SGSM2: variants seen among roughly 807,000 people sequenced by gnomAD.
SGSM2 encodes RUN and TBC1 domain containing 1.
Under a neutral mutation model 126.6 loss-of-function variants are expected in SGSM2, and 89 were observed. The ratio of observed to expected loss-of-function variants is 0.70; its 90% CI spans 0.59 to 0.84. SGSM2 has a LOEUF of 0.84. Ranked by LOEUF, SGSM2 falls within the 40% of genes least tolerant of loss-of-function variation. SGSM2 has a pLI of 0.00. For synonymous variants in SGSM2, 614 were observed against 574.3 expected (o/e 1.07, Z -0.99); for missense variants, 1,404 against 1,416.6 (o/e 0.99, Z 0.14).
Position 2,343,586 on chromosome 17 carries a change from G to A in SGSM2, c.99G>A (p.Val33=), listed in dbSNP as rs1268473765. 6.2e-7 allele frequency: 1 copy of A among 1,614,218 alleles called. No homozygotes were observed. The highest frequency in any genetic ancestry group is 8.5e-7 in the Non-Finnish European group (1 of 1,180,026). The change falls in exon 2 of 24, where the codon GTG becomes GTA. Residue 33 remains valine, a synonymous_variant. Transcript: ENST00000268989. ...AGGAGGCTGTCACCAGGAAGTTTGT[G>A]CATGAAGACAGCAGCCACATCATTG... ...IMEEAVTRKF[V]HEDSSHIIAL...
Position 2,367,098 on chromosome 17 carries a change from A to G in SGSM2, c.1289-173A>G. On this transcript the variant is annotated intron_variant, in intron 11 of 23. Coordinates refer to ENST00000268989, the MANE Select transcript of SGSM2 (RefSeq NM_014853.3). This position sits in a 1 kb window ranked among gnomAD's most constrained non-coding sequence, Gnocchi z 4.0. ...GCCCCAGCCCCTCGCCTCCTTCCAC[A>G]CTCTCCCAGGAAAATCATCCAAAGA... The G allele has an allele frequency of 1.4e-6, 1 of 723,508 alleles. No homozygotes were observed. The highest frequency in any genetic ancestry group is 2.2e-6 in the Non-Finnish European group (1 of 457,678). 44.8% of individuals were successfully genotyped at this position (723,508 alleles called of 1,614,324 possible).
Position 2,367,420 on chromosome 17 carries a change from C to G in SGSM2, c.1423+15C>G. On this transcript the variant is annotated intron_variant, in intron 12 of 23. Coordinates refer to ENST00000268989, the MANE Select transcript of SGSM2 (RefSeq NM_014853.3). The surrounding 1 kb of genome is among the most constrained non-coding windows in gnomAD (Gnocchi z 4.0). ...TCCGATGAAAGGTTCTTATCCCTCC[C>G]TCTCCCTGACCCACCTCATCCCCAC... 2 of 1,609,286 alleles carry G rather than the reference C, an allele frequency of 1.2e-6. No individual in the cohort carries two copies. Among genetic ancestry groups the G allele is most frequent in the Non-Finnish European group, 1.7e-6 (2 of 1,177,250 alleles).
At chr17:2,359,233 A>G (rs1196228285) in intron 2 of SGSM2, among the ~76,000 whole-genome samples, 1 of 151,888 alleles carries the variant, frequency 6.6e-6, no homozygotes, top group Non-Finnish European at 1.5e-5. Context: ...TCTCGGGGCC[A>G]TAGTTCTCAA....
In SGSM2 at chr17:2,363,704, G is replaced by T. The variant is rs189009102; in HGVS notation, c.807+105G>T. 6.2e-6 allele frequency: 9 copies of T among 1,458,690 alleles called. No homozygotes were observed. The East Asian group carries it at 7.1e-5, about 12-fold the overall frequency. The allele number at this position is 1,458,690 out of a possible 1,614,324, so 90.4% of individuals were successfully genotyped here. A position where few individuals can be genotyped will look rare whatever the true frequency, so the allele number is the denominator to read the frequency against. On this transcript the variant is annotated intron_variant, in intron 7 of 23. Coordinates refer to ENST00000268989, the MANE Select transcript of SGSM2 (RefSeq NM_014853.3). This position sits in a 1 kb window ranked among gnomAD's most constrained non-coding sequence, Gnocchi z 4.2. Reference sequence around the variant, plus strand: ...TTTCCTGAGGAGCTTGACCAGAGACGGGGGGGAGAATGGCCCCAGCCTCCC... The same window carrying T: ...TTTCCTGAGGAGCTTGACCAGAGACTGGGGGGAGAATGGCCCCAGCCTCCC...
In SGSM2 at chr17:2,379,037, A is replaced by G; in HGVS notation, c.2901A>G (p.Glu967=). 6.2e-7 allele frequency: 1 copy of G among 1,613,748 alleles called. No homozygotes were observed. The highest frequency in any genetic ancestry group is 8.5e-7 in the Non-Finnish European group (1 of 1,179,728). The stretch of plus-strand genomic sequence containing the variant: ...GCAGCAGCCGCTTACTCTCCGCAGA[A>G]CTGCTGTATGAGGATGTGTTTGCTG... The part of the protein sequence containing the change: ...YRWFLLDFKR[E]LLYEDVFAVW... The change falls in exon 23 of 24, where the codon GAA becomes GAG. Residue 967 remains glutamate (E), a splice_region_variant and synonymous_variant. Coordinates refer to ENST00000268989, the MANE Select transcript of SGSM2 (RefSeq NM_014853.3).
At position 2,367,875 on chromosome 17, in the gene SGSM2, G is replaced by A. The variant is rs190177655; in HGVS notation, c.1423+470G>A. 1.9e-3 allele frequency among the ~76,000 whole-genome samples: 284 copies of A among 152,296 alleles called. 1 individual carries two copies. Among genetic ancestry groups the A allele is most frequent in the Admixed American group, 4.8e-3 (73 of 15,302 alleles). Reference sequence around the variant, plus strand: ...CAGGGGCAGCAGCTGTGGGTCAGGCGAGGGGTTGAGGGCTGCCATGCGAAG... The same window carrying A: ...CAGGGGCAGCAGCTGTGGGTCAGGCAAGGGGTTGAGGGCTGCCATGCGAAG... On this transcript the variant is annotated intron_variant, in intron 12 of 23. Transcript: ENST00000268989. This position sits in a 1 kb window ranked among gnomAD's most constrained non-coding sequence, Gnocchi z 4.0.
intron 2 of SGSM2, among the ~76,000 whole-genome samples, chr17:2,350,831 C>T (rs2064814520): frequency 6.6e-6 from 1 of 152,196 alleles, no homozygotes; most frequent in Non-Finnish European, 1.5e-5. Flanking sequence ...AAGCCTTTCA[C>T]ACCTTGGGAT....
chr17:2,350,483 G>A (rs575746194), intron 2 of SGSM2, among the ~76,000 whole-genome samples: 36 of 151,864 alleles, frequency 2.4e-4, no homozygotes, highest in South Asian at 1.9e-3. Flanking sequence ...GGTGGCGCAC[G>A]TCTATAATTC....
At chr17:2,373,165 C>T (rs976274564) in intron 16 of SGSM2, 84 bp downstream of exon 16, 26 of 1,571,826 alleles carry the variant, frequency 1.7e-5, no homozygotes, top group African/African-American at 1.4e-5. Flanking sequence ...GAAGCCTCAG[C>T]CCCTTCCCAG....
At chr17:2,357,419 G>A (rs1447254803) in intron 2 of SGSM2, among the ~76,000 whole-genome samples, 3 of 152,150 alleles carry the variant, frequency 2.0e-5, no homozygotes, top group African/African-American at 4.8e-5. Context: ...TACATACAGT[G>A]GAATACTACT....
chr17:2,342,054 G>A (rs981387340), intron 1 of SGSM2, among the ~76,000 whole-genome samples: 1 of 152,122 alleles, frequency 6.6e-6, no homozygotes, highest in African/African-American at 2.4e-5. Context: ...ATTTCAGAAT[G>A]ACACAGGTGA....
chr17:2,363,045 G>C lies in SGSM2; in HGVS notation c.583G>C (p.Asp195His). Residue 195 changes from aspartate to histidine, a missense_variant, in exon 6 of 24, where the codon GAC becomes CAC. By Grantham distance (81) the Asp-to-His change is moderately conservative (BLOSUM62 -1). Coordinates refer to ENST00000268989, the MANE Select transcript of SGSM2 (RefSeq NM_014853.3). This position sits in a 1 kb window ranked among gnomAD's most constrained non-coding sequence, Gnocchi z 4.2. The stretch of plus-strand genomic sequence containing the variant: ...CAAGACAGCCGATCACTACTGGACT[G>C]ACCCCTCTGCTGATGAGCTGGTCCA... ...KLKTADHYWT[D>H]PSADELVQRH... is the part of the protein sequence containing the mutation. 1 of 1,613,992 alleles carries C rather than the reference G, an allele frequency of 6.2e-7. No individual in the cohort carries two copies.
chr17:2,340,654 A>T (rs557502137), intron 1 of SGSM2, among the ~76,000 whole-genome samples: 1 of 149,654 alleles, frequency 6.7e-6, no homozygotes, highest in African/African-American at 2.5e-5. Flanking sequence ...GCGCCATCTC[A>T]GCTCACTGCA....
intron 12 of SGSM2, among the ~76,000 whole-genome samples, chr17:2,370,340 C>A (rs949704982): frequency 1.3e-5 from 2 of 152,290 alleles, no homozygotes; most frequent in African/African-American, 4.8e-5. Flanking sequence ...CCCTGCCCCA[C>A]GTGGGCCGTG....
At position 2,372,034 on chromosome 17, in the gene SGSM2, C is replaced by A; in HGVS notation, c.1578-156C>A. The A allele has an allele frequency of 1.2e-6, 1 of 843,914 alleles. No individual in the cohort carries two copies. The highest frequency in any genetic ancestry group is 1.9e-6 in the Non-Finnish European group (1 of 532,650). 52.3% of individuals were successfully genotyped at this position (843,914 alleles called of 1,614,324 possible). ...ACTCTGTCCAGGTGGCAGGCAGGGA[C>A]AGGGCACCCACTGACGGCTGCTGGG... On this transcript the variant is annotated intron_variant, in intron 13 of 23. Transcript: ENST00000268989. This position sits in a 1 kb window ranked among gnomAD's most constrained non-coding sequence, Gnocchi z 6.0.
At chr17:2,354,215 T>TTTTGTTTGTTTTTTTTG (rs11270127) in intron 2 of SGSM2, among the ~76,000 whole-genome samples, 66,112 of 151,408 alleles carry the variant, frequency 0.44, 14,808 homozygotes, top group East Asian at 0.63. Flanking sequence ...CCTAGAGTTT[T>TTTTGTTTGTTTTTTTTG]TTTGTTTGTT....
At chr17:2,340,849 G>GC (rs2064336859) in intron 1 of SGSM2, among the ~76,000 whole-genome samples, 1 of 152,218 alleles carries the variant, frequency 6.6e-6, no homozygotes, top group Admixed American at 6.5e-5. Flanking sequence ...CTCCCAAAGT[G>GC]CTGGGATTAT....
chr17:2,376,039 T>C, intron 18 of SGSM2, 98 bp from the exon 19 acceptor site: 2 of 1,579,638 alleles, frequency 1.3e-6, no homozygotes, highest in Admixed American at 1.7e-5. Flanking sequence ...CTCTGGTCTC[T>C]GGGTTCCGTT....
In SGSM2 at chr17:2,379,614, G is replaced by C. The variant is rs537588450; in HGVS notation, c.*94G>C. ...GCCCAGACCTCCCCAGCCACCAACCGACCCCACCTCTGTTCCTAACAAAGC... is the reference window on the plus strand; with the variant it reads ...GCCCAGACCTCCCCAGCCACCAACCCACCCCACCTCTGTTCCTAACAAAGC... On this transcript the variant is annotated 3_prime_UTR_variant, in exon 24 of 24. Coordinates refer to ENST00000268989, the MANE Select transcript of SGSM2 (RefSeq NM_014853.3). 1.3e-6 allele frequency: 2 copies of C among 1,525,298 alleles called. No homozygotes were observed. The highest frequency in any genetic ancestry group is 2.4e-5 in the East Asian group (1 of 42,220). 94.5% of individuals were successfully genotyped at this position (1,525,298 alleles called of 1,614,324 possible).
Sources: gnomAD v4.1 joint callset for allele counts (sites outside exome capture counted in the v4.1 genomes callset) on GRCh38, gnomAD v4.1.1 for gene constraint, Gnocchi (gnomAD v3.1) non-coding constraint, MANE v1.5 for transcripts, NCBI Gene and HGNC (gene_info 2026-07-23, HGNC 2026-07-21) for gene names.